VPS41: variants seen among roughly 807,000 people sequenced by gnomAD.
The protein encoded by VPS41 is vacuolar protein sorting-associated protein 41 homolog.
In VPS41, 85 loss-of-function variants were observed where a neutral mutation model predicts 130.9. That is an observed-to-expected ratio of 0.65 (90% CI 0.55 to 0.78). The LOEUF is 0.78. Among genes scored for constraint, VPS41 ranks in the 30% least tolerant of loss-of-function variants. VPS41 has a pLI of 0.00. For missense variants in VPS41, 874 were observed against 1,018.7 expected, an observed-to-expected ratio of 0.86 and a Z score of 1.93; for synonymous variants, 335 against 332.9, an observed-to-expected ratio of 1.01 and a Z score of -0.07.
At chr7:38,777,913 T>C (rs1246073527) in intron 10 of VPS41, among the ~76,000 whole-genome samples, 1 of 152,252 alleles carries the variant, frequency 6.6e-6, no homozygotes, top group East Asian at 1.9e-4. Context: ...ATAAAATTCA[T>C]AATACAGATG....
chr7:38,726,950 G>A lies in VPS41; in HGVS notation c.2443C>T (p.Arg815Trp), dbSNP rs747020551. ...KPFSVVVFHC[R>W]HMFHKECLPM... ...AGGCACTCCTTGTGGAACATGTGCC[G>A]GCAATGGAAGACCACCACGCTGAAG... The change falls in exon 28 of 29, where the codon CGG becomes TGG. Residue 815 changes from arginine to tryptophan, a missense_variant. By Grantham distance (101) the Arg-to-Trp change is moderately radical (BLOSUM62 -3). Coordinates refer to ENST00000310301, the MANE Select transcript of VPS41 (RefSeq NM_014396.4). The A allele has an allele frequency of 5.7e-6, 9 of 1,590,776 alleles. No homozygotes were observed. Among genetic ancestry groups the A allele is most frequent in the African/African-American group, 2.7e-5 (2 of 73,644 alleles).
At position 38,775,940 on chromosome 7, in the gene VPS41, A is replaced by C. The variant is rs374450197; in HGVS notation, c.882+739T>G. Among the ~76,000 whole-genome samples the C allele has an allele frequency of 5.1e-4, 77 of 152,296 alleles. No individual in the cohort carries two copies. The Middle Eastern group carries it at 0.017, about 34-fold the overall frequency. The stretch of plus-strand genomic sequence containing the variant: ...CAGCATCCAAAAGAAAATCCTTTAC[A>C]GTATGCTTTCCTTCTTTATGCCTTG... On this transcript the variant is annotated intron_variant, in intron 11 of 28. Coordinates refer to ENST00000310301, the MANE Select transcript of VPS41 (RefSeq NM_014396.4).
At chr7:38,819,225 T>G (rs1050482582) in intron 6 of VPS41, among the ~76,000 whole-genome samples, 1 of 152,254 alleles carries the variant, frequency 6.6e-6, no homozygotes, top group African/African-American at 2.4e-5. Context: ...TTGCAATAGC[T>G]AGGCTCAGTC....
chr7:38,840,157 G>A (rs566547881), intron 4 of VPS41, among the ~76,000 whole-genome samples: 33 of 152,344 alleles, frequency 2.2e-4, no homozygotes, highest in African/African-American at 6.0e-4. Context: ...GACAACTGAC[G>A]CTGCTGACCA....
intron 10 of VPS41, among the ~76,000 whole-genome samples, chr7:38,782,914 C>T (rs750589368): frequency 1.3e-5 from 2 of 151,730 alleles, no homozygotes; most frequent in South Asian, 2.1e-4. Flanking sequence ...GTCAGGAGTT[C>T]GAGACCAGCC....
At chr7:38,811,759 T>C (rs1397605277) in intron 7 of VPS41, among the ~76,000 whole-genome samples, 2 of 151,924 alleles carry the variant, frequency 1.3e-5, no homozygotes, top group Non-Finnish European at 2.9e-5. Context: ...CCTTAAAGAA[T>C]GATGATATAT....
At chr7:38,905,847 G>A (rs1225282621) in intron 1 of VPS41, among the ~76,000 whole-genome samples, 1 of 152,186 alleles carries the variant, frequency 6.6e-6, no homozygotes, top group Non-Finnish European at 1.5e-5. Context: ...AGGCTGGAGT[G>A]CAATGGCACA....
chr7:38,831,247 T>C, intron 4 of VPS41: 1 of 471,164 alleles, frequency 2.1e-6, no homozygotes, highest in Non-Finnish European at 4.4e-6. Flanking sequence ...CATCTGGTTG[T>C]AAGCTGCCTC....
At chr7:38,796,716 C>G (rs897927367) in intron 8 of VPS41, 29 bp downstream of exon 8, 3 of 1,612,926 alleles carry the variant, frequency 1.9e-6, no homozygotes, top group East Asian at 2.2e-5. Flanking sequence ...ACTGAACAAG[C>G]ATTAGGAAGA....
At chr7:38,880,727 T>C (rs1037557604) in intron 2 of VPS41, among the ~76,000 whole-genome samples, 3 of 152,218 alleles carry the variant, frequency 2.0e-5, no homozygotes, top group Admixed American at 6.5e-5. Flanking sequence ...GAAACTGAAA[T>C]AGCTCATGGA....
intron 7 of VPS41, among the ~76,000 whole-genome samples, chr7:38,801,310 A>G (rs1784721387): frequency 6.6e-6 from 1 of 152,224 alleles, no homozygotes; most frequent in Non-Finnish European, 1.5e-5. Context: ...ATTCTATGCA[A>G]CTGATGTGTG....
intron 12 of VPS41, 152 bp from the exon 13 acceptor site, chr7:38,772,789 G>A (rs1784179882): frequency 5.8e-6 from 3 of 521,646 alleles, no homozygotes; most frequent in Non-Finnish European, 1.0e-5. Context: ...GAAGGTAAGT[G>A]TGGGAGACAG....
intron 4 of VPS41, among the ~76,000 whole-genome samples, chr7:38,850,761 C>G (rs1346634142): frequency 6.6e-6 from 1 of 152,000 alleles, no homozygotes; most frequent in Non-Finnish European, 1.5e-5. Context: ...CATATACTGG[C>G]AAAGTATATA....
In VPS41 at chr7:38,772,432, T is replaced by C. The variant is rs17171462; in HGVS notation, c.1128+90A>G. Reference sequence around the variant, plus strand: ...TTGGCTTGGGAAACTCTACTTTGACTACATAAAAGATTTATTACAAAAACA... The same window carrying C: ...TTGGCTTGGGAAACTCTACTTTGACCACATAAAAGATTTATTACAAAAACA... On this transcript the variant is annotated intron_variant, in intron 13 of 28. Coordinates refer to ENST00000310301, the MANE Select transcript of VPS41 (RefSeq NM_014396.4). The C allele has an allele frequency of 2.9e-4, 256 of 872,344 alleles. 2 individuals carry two copies. The African/African-American group carries it at 4.1e-3, about 14-fold the overall frequency. The allele number at this position is 872,344 out of a possible 1,614,324, so 54.0% of individuals were successfully genotyped here.
At chr7:38,829,849 T>C (rs1785353567) in intron 5 of VPS41, among the ~76,000 whole-genome samples, 1 of 152,196 alleles carries the variant, frequency 6.6e-6, no homozygotes, top group Non-Finnish European at 1.5e-5. Flanking sequence ...ATTCATAACT[T>C]GTGTGTGAAA....
chr7:38,848,393 T>C (rs1396129196), intron 4 of VPS41, among the ~76,000 whole-genome samples: 1 of 152,194 alleles, frequency 6.6e-6, no homozygotes. Context: ...TTCTCTTTTT[T>C]TCCCCTTCGT....
chr7:38,802,016 T>C (rs745910369), intron 7 of VPS41, among the ~76,000 whole-genome samples: 1 of 152,256 alleles, frequency 6.6e-6, no homozygotes, highest in Non-Finnish European at 1.5e-5. Context: ...GCCTTGCTTT[T>C]AGAAAGGGCT....
chr7:38,849,488 A>G (rs1264253845), intron 4 of VPS41, among the ~76,000 whole-genome samples: 1 of 152,208 alleles, frequency 6.6e-6, no homozygotes, highest in Non-Finnish European at 1.5e-5. Flanking sequence ...GGTAGCTCTC[A>G]GCAGATGGGG....
rs139415566 is a variant in VPS41, at chr7:38,845,821, T to C, written c.247-15493A>G. ...GATACCCCTGTGAAACAATCCACTT[T>C]ACTGGAATACCATTGTTAAAGAGAA... On this transcript the variant is annotated intron_variant, in intron 4 of 28. Coordinates refer to ENST00000310301, the MANE Select transcript of VPS41 (RefSeq NM_014396.4). 2.6e-5 allele frequency among the ~76,000 whole-genome samples: 4 copies of C among 152,350 alleles called. No individual in the cohort carries two copies. The East Asian group carries it at 5.8e-4, about 22-fold the overall frequency.
Sources: gnomAD v4.1 joint callset for allele counts (sites outside exome capture counted in the v4.1 genomes callset) on GRCh38, gnomAD v4.1.1 for gene constraint, MANE v1.5 for transcripts, NCBI Gene and HGNC (gene_info 2026-07-23, HGNC 2026-07-21) for gene names.